The following RORA variants were observed in gnomAD, a reference collection of about 807,000 sequenced individuals.
RORA encodes the protein RAR related orphan receptor A.
RORA carries 7 observed loss-of-function variants against 69.5 expected under a neutral mutation model. That is an observed-to-expected ratio of 0.10 (90% CI 0.06 to 0.19). The LOEUF is 0.19. Among genes scored for constraint, RORA ranks in the 10% least tolerant of loss-of-function variants. The probability of loss-of-function intolerance (pLI) is 1.00; values close to 1 mark genes in which losing one functional copy is unlikely to be tolerated. For missense variants in RORA, 457 were observed against 663.0 expected (o/e 0.69, Z 3.41); for synonymous variants, 261 against 240.8 (o/e 1.08, Z -0.78).
At chr15:61,045,766 C>T (rs185815832) in intron 1 of RORA, among the ~76,000 whole-genome samples, 180 of 152,344 alleles carry the variant, frequency 1.2e-3, no homozygotes, top group African/African-American at 3.7e-3. Context: ...GGCCTACATC[C>T]CTACTCCCCA....
intron 2 of RORA, among the ~76,000 whole-genome samples, chr15:60,606,205 C>T (rs1261459291): frequency 6.6e-6 from 1 of 152,202 alleles, no homozygotes; most frequent in African/African-American, 2.4e-5. Context: ...ATGTCTGTTT[C>T]CTGAGATTGT....
intron 1 of RORA, among the ~76,000 whole-genome samples, chr15:60,939,243 T>A (rs527673663): frequency 6.6e-6 from 1 of 152,260 alleles, no homozygotes; most frequent in East Asian, 1.9e-4. Context: ...GCGACCTTGT[T>A]CCCACCATGA....
At chr15:61,199,627 A>T (rs1358524998) in intron 1 of RORA, among the ~76,000 whole-genome samples, 1 of 152,222 alleles carries the variant, frequency 6.6e-6, no homozygotes, top group African/African-American at 2.4e-5. Flanking sequence ...AGCCATTCAA[A>T]ACCATCTTAG....
chr15:60,690,202 A>G (rs1286664185), intron 1 of RORA, among the ~76,000 whole-genome samples: 3 of 152,132 alleles, frequency 2.0e-5, no homozygotes, highest in Non-Finnish European at 4.4e-5. Flanking sequence ...AGGGCAGTCA[A>G]GTTTTAGATG....
chr15:60,820,124 G>A (rs1287551020), intron 1 of RORA, among the ~76,000 whole-genome samples: 4 of 152,268 alleles, frequency 2.6e-5, no homozygotes, highest in African/African-American at 7.2e-5. Context: ...GAAACTAGTC[G>A]ATTGGGACAG....
At chr15:60,712,526 A>G (rs2071158621) in intron 1 of RORA, among the ~76,000 whole-genome samples, 1 of 152,150 alleles carries the variant, frequency 6.6e-6, no homozygotes, top group Non-Finnish European at 1.5e-5. Flanking sequence ...ATTTTGGCTT[A>G]TCCTTTTGAT....
At chr15:60,763,096 T>TTTTTTTA (rs375632043) in intron 1 of RORA, among the ~76,000 whole-genome samples, 1,104 of 109,338 alleles carry the variant, frequency 0.01, 87 homozygotes, top group Non-Finnish European at 0.016. Context: ...TTTTTTTTTT[T>TTTTTTTA]AACCAACCTA....
chr15:61,097,086 G>A (rs1331226283), intron 1 of RORA, among the ~76,000 whole-genome samples: 1 of 152,206 alleles, frequency 6.6e-6, no homozygotes, highest in Non-Finnish European at 1.5e-5. Context: ...CAGAATGTGA[G>A]AAGTACTACA....
rs1411671968 is a variant in RORA at position 60,535,819 on chromosome 15, C to T, written c.197-3968G>A. Among the ~76,000 whole-genome samples, 8 of 152,184 alleles carry T rather than the reference C, an allele frequency of 5.3e-5. No individual in the cohort carries two copies. The South Asian group carries it at 8.3e-4, about 16-fold the overall frequency. On this transcript the variant is annotated intron_variant, in intron 2 of 10. Transcript: ENST00000335670. ...ATGTATTTGTGCTAATAATGTGTCACGCATTATATCTCACTCACTCCTCCA... is the reference window on the plus strand; with the variant it reads ...ATGTATTTGTGCTAATAATGTGTCATGCATTATATCTCACTCACTCCTCCA...
chr15:60,543,216 G>A (rs1478665502), intron 2 of RORA, among the ~76,000 whole-genome samples: 10 of 115,126 alleles, frequency 8.7e-5, no homozygotes, highest in African/African-American at 1.6e-4. Context: ...TTTTTTTAAG[G>A]AAAAAGGAGA....
At chr15:60,908,712 T>G (rs1024124072) in intron 1 of RORA, among the ~76,000 whole-genome samples, 2 of 152,148 alleles carry the variant, frequency 1.3e-5, no homozygotes, top group Non-Finnish European at 2.9e-5. Flanking sequence ...CCTTCACCAC[T>G]GCCCCAGTAA....
intron 2 of RORA, among the ~76,000 whole-genome samples, chr15:60,599,569 A>G (rs2068768920): frequency 9.5e-6 from 1 of 104,976 alleles, no homozygotes; most frequent in Middle Eastern, 4.2e-3. Context: ...AAAGAAAATA[A>G]AAGAACACAG....
chr15:60,832,735 A>G (rs1361981901), intron 1 of RORA, among the ~76,000 whole-genome samples: 2 of 152,150 alleles, frequency 1.3e-5, no homozygotes, highest in Non-Finnish European at 2.9e-5. Context: ...GTCATTCCCA[A>G]AAACATCATC....
intron 1 of RORA, among the ~76,000 whole-genome samples, chr15:61,003,150 G>GA (rs978485046): frequency 2.0e-5 from 3 of 149,408 alleles, no homozygotes; most frequent in Admixed American, 1.3e-4. Context: ...AAAAAAAAAG[G>GA]AAAAAAAAGA....
intron 1 of RORA, among the ~76,000 whole-genome samples, chr15:60,771,415 T>C (rs2072072695): frequency 6.6e-6 from 1 of 152,196 alleles, no homozygotes; most frequent in Non-Finnish European, 1.5e-5. Context: ...TTCATCTCTA[T>C]ACTGTATTCT....
chr15:60,864,433 G>A (rs1249794924), intron 1 of RORA, among the ~76,000 whole-genome samples: 1 of 151,526 alleles, frequency 6.6e-6, no homozygotes, highest in Admixed American at 6.6e-5. Flanking sequence ...GTTTCGATGG[G>A]GACTTAGTGA....
At chr15:60,921,569 T>C (rs1355324068) in intron 1 of RORA, among the ~76,000 whole-genome samples, 1 of 152,224 alleles carries the variant, frequency 6.6e-6, no homozygotes, top group Non-Finnish European at 1.5e-5. Context: ...GAGATGCTGA[T>C]CCTATTCCAT....
At chr15:60,993,171 A>C (rs1458909495) in intron 1 of RORA, among the ~76,000 whole-genome samples, 1 of 152,196 alleles carries the variant, frequency 6.6e-6, no homozygotes, top group Non-Finnish European at 1.5e-5. Context: ...AGTACCCTGC[A>C]GGTCTCTGAG....
intron 1 of RORA, among the ~76,000 whole-genome samples, chr15:61,097,123 A>G (rs911514181): frequency 6.6e-6 from 1 of 152,108 alleles, no homozygotes; most frequent in Non-Finnish European, 1.5e-5. Flanking sequence ...CAAGAGGGGG[A>G]GTGTTTCCGA....
Sources: allele counts gnomAD v4.1 joint callset (sites outside exome capture counted in the v4.1 genomes callset), GRCh38; gene constraint gnomAD v4.1.1; transcripts MANE v1.5; gene names NCBI Gene and HGNC (gene_info 2026-07-23, HGNC 2026-07-21).